GRID2: variants seen among roughly 807,000 people sequenced by gnomAD.
GRID2 encodes the protein glutamate receptor ionotropic, delta-2.
GRID2 carries 33 observed loss-of-function variants against 114.8 expected under a neutral mutation model. That is an observed-to-expected ratio of 0.29 (90% CI 0.22 to 0.38). The LOEUF (loss-of-function observed/expected upper bound fraction) is 0.38, where lower values mean the gene tolerates loss of function less well. GRID2 is among the 10% of genes least tolerant of loss of function. The pLI is 1.00. For missense variants in GRID2, 1,184 were observed against 1,257.7 expected (o/e 0.94, Z 0.89); for synonymous variants, 505 against 449.9 (o/e 1.12, Z -1.55).
chr4:93,165,156 A>T (rs1738127513), intron 4 of GRID2, among the ~76,000 whole-genome samples: 1 of 152,018 alleles, frequency 6.6e-6, no homozygotes, highest in Non-Finnish European at 1.5e-5. Flanking sequence ...AAGAAATATA[A>T]ATTATTTTGT....
intron 14 of GRID2, among the ~76,000 whole-genome samples, chr4:93,756,365 G>GC (rs1265007363): frequency 6.6e-6 from 1 of 152,160 alleles, no homozygotes; most frequent in Non-Finnish European, 1.5e-5. Flanking sequence ...TTCTTAGTCT[G>GC]CCCAGGCTTT....
chr4:93,232,383 T>G (rs2149502985), intron 7 of GRID2, among the ~76,000 whole-genome samples: 1 of 151,992 alleles, frequency 6.6e-6, no homozygotes, highest in Admixed American at 6.6e-5. Flanking sequence ...CTGTTAAAAT[T>G]TTTGTAATTA....
At chr4:93,245,993 G>A (rs1036783599) in intron 8 of GRID2, among the ~76,000 whole-genome samples, 1 of 152,160 alleles carries the variant, frequency 6.6e-6, no homozygotes, top group Admixed American at 6.6e-5. Flanking sequence ...AGATGTGGTT[G>A]ACAGAGGATT....
At chr4:93,545,131 G>A (rs2149533228) in intron 13 of GRID2, among the ~76,000 whole-genome samples, 1 of 152,202 alleles carries the variant, frequency 6.6e-6, no homozygotes, top group Middle Eastern at 3.4e-3. Context: ...ATACAGTGGT[G>A]AATAAGACAG....
chr4:93,452,162 C>A (rs1722749449), intron 10 of GRID2, among the ~76,000 whole-genome samples: 1 of 152,078 alleles, frequency 6.6e-6, no homozygotes, highest in African/African-American at 2.4e-5. Context: ...GAAAAAGGAA[C>A]TGAGAAAGAG....
intron 3 of GRID2, among the ~76,000 whole-genome samples, chr4:93,089,246 G>C (rs970312130): frequency 3.9e-5 from 6 of 152,068 alleles, no homozygotes; most frequent in Non-Finnish European, 8.8e-5. Flanking sequence ...AAAAGTAAGT[G>C]TATAAATTAC....
chr4:92,720,086 T>G (rs1690425839), intron 2 of GRID2, among the ~76,000 whole-genome samples: 1 of 152,152 alleles, frequency 6.6e-6, no homozygotes, highest in African/African-American at 2.4e-5. Flanking sequence ...ACTAAGGTTT[T>G]GCATGTACTG....
intron 4 of GRID2, among the ~76,000 whole-genome samples, chr4:93,153,430 G>C (rs757709078): frequency 6.6e-6 from 1 of 152,036 alleles, no homozygotes; most frequent in Non-Finnish European, 1.5e-5. Flanking sequence ...CCCAGGGCTC[G>C]CACTTGCAAT....
At chr4:92,690,143 G>A (rs545826812) in intron 2 of GRID2, among the ~76,000 whole-genome samples, 108 of 151,574 alleles carry the variant, frequency 7.1e-4, no homozygotes, top group African/African-American at 2.5e-3. Flanking sequence ...GCCTCTCTCT[G>A]ATTTCAACAT....
intron 2 of GRID2, among the ~76,000 whole-genome samples, chr4:92,982,393 T>A (rs1460686905): frequency 6.6e-6 from 1 of 152,130 alleles, no homozygotes; most frequent in Non-Finnish European, 1.5e-5. Flanking sequence ...GATTAATTTA[T>A]GAAAATGTCA....
chr4:92,423,452 A>G (rs1326091469), intron 1 of GRID2, among the ~76,000 whole-genome samples: 1 of 152,102 alleles, frequency 6.6e-6, no homozygotes, highest in African/African-American at 2.4e-5. Flanking sequence ...TGAGGTGTAC[A>G]TTTTGTAGTT....
chr4:93,212,875 C>A (rs767459511), intron 5 of GRID2, among the ~76,000 whole-genome samples: 1 of 151,592 alleles, frequency 6.6e-6, no homozygotes, highest in Non-Finnish European at 1.5e-5. Context: ...TGGGTTCAAG[C>A]GATTGTCCTG....
chr4:92,621,743 A>C (rs878879451), intron 2 of GRID2, among the ~76,000 whole-genome samples: 1 of 151,882 alleles, frequency 6.6e-6, no homozygotes, highest in African/African-American at 2.4e-5. Flanking sequence ...AGTGGTTTTA[A>C]AAGAAGAGCA....
At chr4:93,437,413 A>G (rs1721202469) in intron 10 of GRID2, among the ~76,000 whole-genome samples, 2 of 119,650 alleles carry the variant, frequency 1.7e-5, no homozygotes, top group Non-Finnish European at 3.6e-5. Flanking sequence ...CAAAGCATTT[A>G]AATAAACCCA....
intron 12 of GRID2, among the ~76,000 whole-genome samples, chr4:93,504,056 T>C (rs1046876696): frequency 3.9e-5 from 6 of 152,116 alleles, no homozygotes; most frequent in Non-Finnish European, 5.9e-5. Flanking sequence ...GGTCTTTAAA[T>C]AGGCTACTAA....
intron 3 of GRID2, among the ~76,000 whole-genome samples, chr4:93,095,792 A>C (rs906069717): frequency 2.8e-4 from 43 of 152,206 alleles, no homozygotes; most frequent in Non-Finnish European, 4.0e-4. Flanking sequence ...CATGATTTTC[A>C]AATTTTAGTC....
At chr4:92,800,843 G>A (rs542247574) in intron 2 of GRID2, among the ~76,000 whole-genome samples, 2 of 152,062 alleles carry the variant, frequency 1.3e-5, no homozygotes, top group East Asian at 3.9e-4. Flanking sequence ...ACAGTTGAAA[G>A]TCCCAGGCTA....
At chr4:93,037,056 G>T (rs1409327048) in intron 2 of GRID2, among the ~76,000 whole-genome samples, 1 of 152,018 alleles carries the variant, frequency 6.6e-6, no homozygotes, top group Non-Finnish European at 1.5e-5. Context: ...TAATTTTTCA[G>T]CACAGTTGAT....
intron 3 of GRID2, among the ~76,000 whole-genome samples, chr4:93,094,162 G>T (rs187329615): frequency 6.6e-6 from 1 of 152,102 alleles, no homozygotes; most frequent in Non-Finnish European, 1.5e-5. Flanking sequence ...GAAAAAAAGG[G>T]TGTTTATTTG....
Sources: gnomAD v4.1 joint callset for allele counts (sites outside exome capture counted in the v4.1 genomes callset) on GRCh38, gnomAD v4.1.1 for gene constraint, MANE v1.5 for transcripts, NCBI Gene and HGNC (gene_info 2026-07-23, HGNC 2026-07-21) for gene names.